TFDP1: variants seen among roughly 807,000 people sequenced by gnomAD.
TFDP1 encodes the protein DRTF1-polypeptide 1.
Under a neutral mutation model 48.0 loss-of-function variants are expected in TFDP1, and 6 were observed. The ratio of observed to expected loss-of-function variants is 0.13; its 90% CI spans 0.07 to 0.25. The LOEUF is 0.25. Among genes scored for constraint, TFDP1 ranks in the 10% least tolerant of loss-of-function variants. TFDP1 has a pLI of 1.00. For synonymous variants in TFDP1, 201 were observed against 211.6 expected (o/e 0.95, Z 0.44); for missense variants, 335 against 543.0 (o/e 0.62, Z 3.81).
At position 113,598,777 on chromosome 13, in the gene TFDP1, G is replaced by A. The variant is rs1419787078; in HGVS notation, c.13-12219G>A. ...CTCACACTGTGGTTCTGTGGCCGCC[G>A]TCCCTCTGTCCGCTCGGGGTAGCCA... On this transcript the variant is annotated intron_variant, in intron 2 of 11. Coordinates refer to ENST00000375370, the MANE Select transcript of TFDP1 (RefSeq NM_007111.5). This position sits in a 1 kb window ranked among gnomAD's most constrained non-coding sequence, Gnocchi z 4.2. Among the ~76,000 whole-genome samples, 5 of 152,196 alleles carry A rather than the reference G, an allele frequency of 3.3e-5. No homozygotes were observed. The East Asian group carries it at 7.7e-4, about 23-fold the overall frequency.
At chr13:113,631,785 T>C (rs751709316) in intron 5 of TFDP1, 41 bp downstream of exon 5, 1 of 1,607,250 alleles carries the variant, frequency 6.2e-7, no homozygotes, top group South Asian at 1.1e-5. Context: ...GTAGGACTGC[T>C]TGCGGTTCGC....
chr13:113,591,532 C>T (rs1409036298), intron 2 of TFDP1, among the ~76,000 whole-genome samples: 1 of 152,174 alleles, frequency 6.6e-6, no homozygotes, highest in African/African-American at 2.4e-5. Flanking sequence ...AATTGGAAAC[C>T]TCACCTTTGG....
At chr13:113,628,716 C>T (rs2049255947) in intron 4 of TFDP1, among the ~76,000 whole-genome samples, 1 of 152,174 alleles carries the variant, frequency 6.6e-6, no homozygotes, top group South Asian at 2.1e-4. Flanking sequence ...TCCTTTTTTT[C>T]CCTAGGGGCC....
chr13:113,608,883 G>A (rs767561971), intron 2 of TFDP1, among the ~76,000 whole-genome samples: 1 of 152,148 alleles, frequency 6.6e-6, no homozygotes, highest in African/African-American at 2.4e-5. Context: ...CTAACTGGCC[G>A]TACCCTCCTG....
chr13:113,609,632 G>A (rs901895187), intron 2 of TFDP1, among the ~76,000 whole-genome samples: 6 of 151,940 alleles, frequency 3.9e-5, no homozygotes, highest in African/African-American at 1.2e-4. Context: ...TGTTACCTGG[G>A]TGGCACCAGG....
chr13:113,634,522 T>C lies in TFDP1; in HGVS notation c.619-12T>C. On this transcript the variant is annotated splice_polypyrimidine_tract_variant and intron_variant, in intron 7 of 11. Coordinates refer to ENST00000375370, the MANE Select transcript of TFDP1 (RefSeq NM_007111.5). The stretch of plus-strand genomic sequence containing the variant: ...TGTGATGATTCTTCACATGGGTGGT[T>C]TGTTTTTGAAGGTGGAAAGACAGAG... 6.2e-7 allele frequency: 1 copy of C among 1,610,822 alleles called. No homozygotes were observed. Among genetic ancestry groups the C allele is most frequent in the Non-Finnish European group, 8.5e-7 (1 of 1,178,780 alleles).
intron 2 of TFDP1, among the ~76,000 whole-genome samples, chr13:113,602,100 G>A (rs938280599): frequency 1.6e-4 from 24 of 151,652 alleles, no homozygotes; most frequent in African/African-American, 5.8e-4. Context: ...GGAGTTACCC[G>A]CAGGAGTCGA....
In TFDP1 at chr13:113,634,289, T is replaced by C. The variant is rs937921007; in HGVS notation, c.619-245T>C. 11 of 642,870 alleles carry C rather than the reference T, an allele frequency of 1.7e-5. No homozygotes were observed. The African/African-American group carries it at 1.8e-4, about 11-fold the overall frequency. 39.8% of individuals were successfully genotyped at this position (642,870 alleles called of 1,614,324 possible). On this transcript the variant is annotated intron_variant, in intron 7 of 11. Coordinates refer to ENST00000375370, the MANE Select transcript of TFDP1 (RefSeq NM_007111.5). ...GAATCCTAGTTTGTGGGATTTTTGT[T>C]TTCTTTTTAGATACCATAGTTAAAT...
intron 2 of TFDP1, among the ~76,000 whole-genome samples, chr13:113,604,382 T>C (rs1444317438): frequency 2.0e-5 from 3 of 152,130 alleles, no homozygotes; most frequent in Non-Finnish European, 2.9e-5. Flanking sequence ...GAGGCTATAA[T>C]TGGGTCTGTC....
chr13:113,640,958 T>C lies in TFDP1; in HGVS notation c.*691T>C, dbSNP rs1434708362. 1 of 152,830 alleles carries C rather than the reference T, an allele frequency of 6.5e-6. No individual in the cohort carries two copies. The highest frequency in any genetic ancestry group is 1.5e-5 in the Non-Finnish European group (1 of 68,158). The allele number at this position is 152,830 out of a possible 1,614,324, so 9.5% of individuals were successfully genotyped here. ...TTCGTTTGGTTAAAGCTTATTGCCA[T>C]GCTGGTGCGGCTATGGAGACTGTCT... On this transcript the variant is annotated 3_prime_UTR_variant, in exon 12 of 12. Coordinates refer to ENST00000375370, the MANE Select transcript of TFDP1 (RefSeq NM_007111.5).
chr13:113,632,700 C>T (rs1481334973), intron 5 of TFDP1, among the ~76,000 whole-genome samples: 1 of 152,222 alleles, frequency 6.6e-6, no homozygotes, highest in Non-Finnish European at 1.5e-5. Flanking sequence ...ATCGCTTGAA[C>T]CCAGGAGGTG....
intron 2 of TFDP1, among the ~76,000 whole-genome samples, chr13:113,594,966 T>G (rs1203171858): frequency 1.3e-5 from 2 of 152,244 alleles, no homozygotes; most frequent in African/African-American, 4.8e-5. Context: ...GATTTCTATT[T>G]AGCCGTGTGT....
At chr13:113,602,943 A>G (rs2048474442) in intron 2 of TFDP1, among the ~76,000 whole-genome samples, 1 of 151,578 alleles carries the variant, frequency 6.6e-6, no homozygotes, top group Non-Finnish European at 1.5e-5. Flanking sequence ...GCCACATAAA[A>G]TAGAATAACA....
At chr13:113,612,712 C>T (rs2048735270) in intron 3 of TFDP1, among the ~76,000 whole-genome samples, 1 of 152,204 alleles carries the variant, frequency 6.6e-6, no homozygotes, top group South Asian at 2.1e-4. Context: ...TGGGCTGTCT[C>T]CTTTTCCATT....
rs775591146 is a variant in TFDP1 at position 113,633,892 on chromosome 13, T to C, written c.477T>C (p.Ala159=). 2 of 1,611,112 alleles carry C rather than the reference T, an allele frequency of 1.2e-6. No individual in the cohort carries two copies. The highest frequency in any genetic ancestry group is 2.2e-5 in the South Asian group (2 of 90,792). Residue 159 remains alanine, a splice_region_variant and synonymous_variant, in exon 7 of 12, where the codon GCT becomes GCC. Transcript: ENST00000375370. The surrounding 1 kb of genome is among the most constrained non-coding windows in gnomAD (Gnocchi z 4.5). Reference sequence around the variant, plus strand: ...ACTCCACTCCCTGTCATCCCCAGGCTTATGACCAGAAAAACATAAGACGGC... The same window carrying C: ...ACTCCACTCCCTGTCATCCCCAGGCCTATGACCAGAAAAACATAAGACGGC... The part of the protein sequence containing the change: ...ADNHILPNES[A]YDQKNIRRRV...
rs1728964902 is a variant in TFDP1 at position 113,640,185 on chromosome 13, C to T, written c.1151C>T (p.Ser384Phe). ...TCCAATGGGTCTCAGTACAGCGGCTCCAGGGTGGAGACTCCGGTGTCCTAC... is the reference window on the plus strand; with the variant it reads ...TCCAATGGGTCTCAGTACAGCGGCTTCAGGGTGGAGACTCCGGTGTCCTAC... Reference protein sequence around the residue: ...TSSNGSQYSGSRVETPVSYVG... With the variant: ...TSSNGSQYSGFRVETPVSYVG... The change falls in exon 12 of 12, where the codon TCC becomes TTC. Residue 384 changes from serine (S) to phenylalanine (F), a missense_variant. By Grantham distance (155) the Ser-to-Phe change is radical. Around this residue, in one of 3 missense-constraint regions of TFDP1, gnomAD observed 204 missense variants for 287.1 expected, o/e 0.71. Coordinates refer to ENST00000375370, the MANE Select transcript of TFDP1 (RefSeq NM_007111.5). 6.2e-7 allele frequency: 1 copy of T among 1,613,432 alleles called. No homozygotes were observed. The highest frequency in any genetic ancestry group is 8.5e-7 in the Non-Finnish European group (1 of 1,179,784).
Position 113,607,570 on chromosome 13 carries a change from G to A in TFDP1, c.13-3426G>A, listed in dbSNP as rs531005482. 6.6e-6 allele frequency among the ~76,000 whole-genome samples: 1 copy of A among 152,296 alleles called. No individual in the cohort carries two copies. The highest frequency in any genetic ancestry group is 2.4e-5 in the African/African-American group (1 of 41,558). On this transcript the variant is annotated intron_variant, in intron 2 of 11. Coordinates refer to ENST00000375370, the MANE Select transcript of TFDP1 (RefSeq NM_007111.5). This position sits in a 1 kb window ranked among gnomAD's most constrained non-coding sequence, Gnocchi z 5.2. ...CATTGCTGCCGTCACTGTGTGCTGC[G>A]CATGCCCTGCAGTTACCCCAGAGCT...
At chr13:113,591,503 C>CTG (rs2048146305) in intron 2 of TFDP1, among the ~76,000 whole-genome samples, 1 of 152,162 alleles carries the variant, frequency 6.6e-6, no homozygotes, top group Non-Finnish European at 1.5e-5. Context: ...GAAGAAATCT[C>CTG]TGGAGTTCGT....
At chr13:113,625,505 T>C (rs1383402602) in intron 4 of TFDP1, among the ~76,000 whole-genome samples, 5 of 96,270 alleles carry the variant, frequency 5.2e-5, no homozygotes, top group Admixed American at 2.0e-4. Flanking sequence ...TGTTCTCAGG[T>C]GTCTCTCACG....
Sources: gnomAD v4.1 joint callset for allele counts (sites outside exome capture counted in the v4.1 genomes callset) on GRCh38, gnomAD v4.1.1 for gene constraint, gnomAD v4.1.1 regional missense constraint, Gnocchi (gnomAD v3.1) non-coding constraint, MANE v1.5 for transcripts, NCBI Gene and HGNC (gene_info 2026-07-23, HGNC 2026-07-21) for gene names.